MGMT: variants seen among roughly 807,000 people sequenced by gnomAD.
MGMT encodes the protein methylated-DNA--protein-cysteine methyltransferase.
A neutral mutation model predicts 15.9 loss-of-function variants in MGMT; 14 were observed. That is an observed-to-expected ratio of 0.88 (90% confidence interval 0.58 to 1.37). MGMT has a LOEUF of 1.37. Among genes scored for constraint, MGMT ranks in the 40% most tolerant of loss-of-function variants. The pLI is 0.00. For synonymous variants in MGMT, 130 were observed against 118.2 expected, an observed-to-expected ratio of 1.10 and a Z score of -0.65; for missense variants, 282 against 268.1, an observed-to-expected ratio of 1.05 and a Z score of -0.36.
intron 2 of MGMT, among the ~76,000 whole-genome samples, chr10:129,592,269 G>A (rs1270714771): frequency 6.6e-6 from 1 of 152,218 alleles, no homozygotes; most frequent in African/African-American, 2.4e-5. Flanking sequence ...ACTGAATGAT[G>A]AAATCTGAGT....
At chr10:129,662,904 A>G in intron 2 of MGMT, among the ~76,000 whole-genome samples, 1 of 152,246 alleles carries the variant, frequency 6.6e-6, no homozygotes, top group East Asian at 1.9e-4. Flanking sequence ...AACCACCTGT[A>G]TAAAGCAGAA....
intron 2 of MGMT, among the ~76,000 whole-genome samples, chr10:129,611,883 C>T (rs1349047918): frequency 6.6e-6 from 1 of 152,122 alleles, no homozygotes; most frequent in African/African-American, 2.4e-5. Context: ...TTTCAGTTGT[C>T]AATGGAAAGA....
chr10:129,759,458 G>A, intron 4 of MGMT, 117 bp downstream of exon 4: 2 of 1,480,046 alleles, frequency 1.4e-6, no homozygotes, highest in Non-Finnish European at 1.9e-6. Flanking sequence ...GTGGGCAGAG[G>A]GGCGATATCT....
At chr10:129,752,522 C>T (rs1407884124) in intron 3 of MGMT, among the ~76,000 whole-genome samples, 1 of 148,664 alleles carries the variant, frequency 6.7e-6, no homozygotes. Context: ...ATTGTTTGTG[C>T]CCTCTTTTTT....
chr10:129,705,286 A>G (rs1848147617), intron 2 of MGMT, among the ~76,000 whole-genome samples: 2 of 152,360 alleles, frequency 1.3e-5, no homozygotes, highest in South Asian at 4.1e-4. Flanking sequence ...AAATGTGAGT[A>G]TCCCAGATGG....
chr10:129,646,754 A>ATATATATATATTTTTTTTTTTTTTTTTTT, intron 2 of MGMT, among the ~76,000 whole-genome samples: 13 of 86,644 alleles, frequency 1.5e-4, no homozygotes, highest in Non-Finnish European at 2.3e-4. Flanking sequence ...ATATATATAT[A>ATATATATATATTTTTTTTTTTTTTTTTTT]TTTTCAGGGA....
chr10:129,584,060 G>C (rs1056930142), intron 2 of MGMT, among the ~76,000 whole-genome samples: 10 of 152,226 alleles, frequency 6.6e-5, no homozygotes, highest in Non-Finnish European at 1.5e-4. Flanking sequence ...GTGGCCACAG[G>C]AGCGAGGTGG....
chr10:129,497,726 G>C (rs1845536613), intron 1 of MGMT, among the ~76,000 whole-genome samples: 1 of 152,182 alleles, frequency 6.6e-6, no homozygotes, highest in Non-Finnish European at 1.5e-5. Context: ...GGCCTTTGGA[G>C]GTGGGGCCTT....
At chr10:129,540,079 C>T (rs892222425) in intron 2 of MGMT, among the ~76,000 whole-genome samples, 3 of 152,160 alleles carry the variant, frequency 2.0e-5, no homozygotes, top group African/African-American at 7.2e-5. Context: ...TCCTCGGCAG[C>T]GTTGAGTGGT....
intron 2 of MGMT, among the ~76,000 whole-genome samples, chr10:129,595,711 C>T (rs1846743691): frequency 2.6e-5 from 4 of 152,132 alleles, no homozygotes; most frequent in South Asian, 2.1e-4. Flanking sequence ...GCTCAGCTTT[C>T]CAGGTGATTT....
chr10:129,517,200 G>A (rs779334754), intron 1 of MGMT, among the ~76,000 whole-genome samples: 13 of 152,210 alleles, frequency 8.5e-5, no homozygotes, highest in Middle Eastern at 3.2e-3. Context: ...CATGGCTCCT[G>A]GACAGCGAGG....
At chr10:129,678,929 C>T (rs967078743) in intron 2 of MGMT, among the ~76,000 whole-genome samples, 5 of 152,068 alleles carry the variant, frequency 3.3e-5, no homozygotes, top group South Asian at 2.1e-4. Context: ...AAAAACTCGC[C>T]GAGCGTGGTG....
At chr10:129,691,294 C>T (rs1018803556) in intron 2 of MGMT, among the ~76,000 whole-genome samples, 4 of 152,184 alleles carry the variant, frequency 2.6e-5, no homozygotes, top group African/African-American at 7.2e-5. Flanking sequence ...CTAACACTGT[C>T]CCAGTCCACA....
intron 2 of MGMT, among the ~76,000 whole-genome samples, chr10:129,671,268 G>A (rs779610361): frequency 3.1e-4 from 47 of 152,314 alleles, no homozygotes; most frequent in Non-Finnish European, 4.3e-4. Flanking sequence ...TTTTTATGAT[G>A]CTGTGATACT....
chr10:129,589,190 C>T (rs1362276105), intron 2 of MGMT, among the ~76,000 whole-genome samples: 1 of 152,228 alleles, frequency 6.6e-6, no homozygotes, highest in African/African-American at 2.4e-5. Context: ...TGTCTGTTCT[C>T]GCAGTCATGG....
At chr10:129,557,379 G>A (rs1454290507) in intron 2 of MGMT, among the ~76,000 whole-genome samples, 5 of 151,972 alleles carry the variant, frequency 3.3e-5, no homozygotes, top group South Asian at 2.1e-4. Context: ...GCTTCTGCCC[G>A]AGACTCTGGG....
At chr10:129,524,683 C>T (rs1845849961) in intron 1 of MGMT, among the ~76,000 whole-genome samples, 1 of 150,608 alleles carries the variant, frequency 6.6e-6, no homozygotes, top group Admixed American at 6.6e-5. Context: ...CCTCCGCCTC[C>T]CGGGTTCACG....
intron 2 of MGMT, among the ~76,000 whole-genome samples, chr10:129,543,365 A>C (rs772769254): frequency 3.2e-4 from 49 of 152,168 alleles, no homozygotes; most frequent in Admixed American, 6.5e-5. Flanking sequence ...TGGCAGCTGA[A>C]AGGGCAGGTC....
chr10:129,681,142 G>A (rs926473985), intron 2 of MGMT, among the ~76,000 whole-genome samples: 3 of 152,170 alleles, frequency 2.0e-5, no homozygotes, highest in Non-Finnish European at 2.9e-5. Flanking sequence ...CGGCGTTGTC[G>A]TCCGATGGTC....
Sources: gnomAD v4.1 joint callset for allele counts (sites outside exome capture counted in the v4.1 genomes callset) on GRCh38, gnomAD v4.1.1 for gene constraint, MANE v1.5 for transcripts, NCBI Gene and HGNC (gene_info 2026-07-23, HGNC 2026-07-21) for gene names.